The following UGT2A1 variants were observed in gnomAD, a reference collection of about 807,000 sequenced individuals.
UGT2A1 encodes UDP-glucuronosyltransferase 2A1.
In UGT2A1, 61 loss-of-function variants were observed where a neutral mutation model predicts 45.4. That is an observed-to-expected ratio of 1.34 (90% CI 1.09 to 1.66). The LOEUF (loss-of-function observed/expected upper bound fraction) is 1.66, where lower values mean the gene tolerates loss of function less well. Among genes scored for constraint, UGT2A1 ranks in the 40% most tolerant of loss-of-function variants. The pLI, the probability that UGT2A1 is intolerant of heterozygous loss-of-function variation, is 0.00. For missense variants in UGT2A1, 649 were observed against 574.3 expected, an observed-to-expected ratio of 1.13 and a Z score of -1.33; for synonymous variants, 229 against 196.2, an observed-to-expected ratio of 1.17 and a Z score of -1.40.
At position 69,610,328 on chromosome 4, in the gene UGT2A1, C is replaced by T. The variant is rs966689711; in HGVS notation, c.848-10934G>A. 5.9e-5 allele frequency among the ~76,000 whole-genome samples: 9 copies of T among 152,160 alleles called. No individual in the cohort carries two copies. In the East Asian group the frequency reaches 1.7e-3, roughly 29 times the overall value. ...AAATTGCTTAATCATTTAGCATTTA[C>T]CCTCAGACATTTTCTGGGGCAGGGT... On this transcript the variant is annotated intron_variant, in intron 3 of 6. Coordinates refer to ENST00000286604, the MANE Select transcript of UGT2A1 (RefSeq NM_001252275.3).
chr4:69,624,261 A>T (rs1198052205), intron 3 of UGT2A1, among the ~76,000 whole-genome samples: 1 of 151,472 alleles, frequency 6.6e-6, no homozygotes, highest in Non-Finnish European at 1.5e-5. Flanking sequence ...ATTTCTCTGA[A>T]GGTCTAATTT....
chr4:69,591,490 C>T (rs1228218547), intron 6 of UGT2A1, among the ~76,000 whole-genome samples: 1 of 152,066 alleles, frequency 6.6e-6, no homozygotes, highest in Non-Finnish European at 1.5e-5. Flanking sequence ...TCCTTATTTG[C>T]AGAGGAAGCC....
rs546940940 is a variant in UGT2A1 at position 69,623,962 on chromosome 4, T to C, written c.847+11729A>G. Among the ~76,000 whole-genome samples the C allele has an allele frequency of 6.6e-5, 10 of 151,780 alleles. 1 individual carries two copies. Among genetic ancestry groups the C allele is most frequent in the African/African-American group, 1.9e-4 (8 of 41,492 alleles). On this transcript the variant is annotated intron_variant, in intron 3 of 6. Transcript: ENST00000286604. ...GCACCTTAAAAAAGCATCTTATAGATTGTGAAATGTAACAAAAACATGTAA... is the reference window on the plus strand; with the variant it reads ...GCACCTTAAAAAAGCATCTTATAGACTGTGAAATGTAACAAAAACATGTAA...
chr4:69,614,468 A>G (rs1438739208), intron 3 of UGT2A1, among the ~76,000 whole-genome samples: 2 of 151,838 alleles, frequency 1.3e-5, no homozygotes, highest in Non-Finnish European at 2.9e-5. Flanking sequence ...AAAAATATAT[A>G]TATATCTAAA....
intron 1 of UGT2A1, among the ~76,000 whole-genome samples, chr4:69,649,592 A>G (rs1021006867): frequency 2.1e-4 from 32 of 152,266 alleles, no homozygotes; most frequent in African/African-American, 7.5e-4. Flanking sequence ...TCTTTTTAAC[A>G]AAAGGGCAGC....
chr4:69,623,117 T>C (rs1720845668), intron 3 of UGT2A1, among the ~76,000 whole-genome samples: 1 of 151,860 alleles, frequency 6.6e-6, no homozygotes, highest in Admixed American at 6.6e-5. Flanking sequence ...CAATTATTAT[T>C]GCTTCCACAC....
chr4:69,628,913 T>A (rs10022954), intron 3 of UGT2A1, among the ~76,000 whole-genome samples: 2 of 151,638 alleles, frequency 1.3e-5, no homozygotes, highest in African/African-American at 4.8e-5. Flanking sequence ...CTGAGAGAGA[T>A]AATCTTTCAA....
chr4:69,623,636 G>A (rs999584471), intron 3 of UGT2A1, among the ~76,000 whole-genome samples: 2 of 151,300 alleles, frequency 1.3e-5, no homozygotes, highest in Non-Finnish European at 3.0e-5. Flanking sequence ...CAGTTTTAAA[G>A]AGCAAATGAG....
At chr4:69,651,733 G>A (rs1722533502) in intron 1 of UGT2A1, among the ~76,000 whole-genome samples, 5 of 152,272 alleles carry the variant, frequency 3.3e-5, no homozygotes, top group East Asian at 1.9e-4. Flanking sequence ...AGAGAGGAGC[G>A]ACTGCCTGGG....
At chr4:69,625,661 C>T (rs533135429) in intron 3 of UGT2A1, among the ~76,000 whole-genome samples, 4 of 150,972 alleles carry the variant, frequency 2.6e-5, no homozygotes, top group African/African-American at 9.7e-5. Context: ...GTTCTTTTGG[C>T]CATACCCTAT....
chr4:69,620,200 T>C (rs1720660692), intron 3 of UGT2A1, among the ~76,000 whole-genome samples: 1 of 151,906 alleles, frequency 6.6e-6, no homozygotes, highest in Admixed American at 6.6e-5. Flanking sequence ...ACTTTCCTGG[T>C]TCACACACAA....
chr4:69,647,520 T>G lies in UGT2A1; in HGVS notation c.125A>C (p.Glu42Ala). 1 of 1,612,932 alleles carries G rather than the reference T, an allele frequency of 6.2e-7. No individual in the cohort carries two copies. Among genetic ancestry groups the G allele is most frequent in the South Asian group, 1.1e-5 (1 of 91,006 alleles). The part of the protein sequence containing the change: ...HWLNVKIIID[E>A]LIKKEHNVTV... ...CACATTATGCTCCTTTTTAATGAGC[T>G]CATCTATAATTATCTTAACATTTAG... is the stretch of plus-strand genomic sequence containing the variant. The change falls in exon 2 of 7, where the codon GAG becomes GCG. Residue 42 changes from glutamate (E) to alanine (A), a missense_variant. By Grantham distance (107) the Glu-to-Ala change is moderately radical. Transcript: ENST00000286604.
At chr4:69,636,067 A>T (rs1721690210) in intron 2 of UGT2A1, among the ~76,000 whole-genome samples, 1 of 152,156 alleles carries the variant, frequency 6.6e-6, no homozygotes, top group African/African-American at 2.4e-5. Flanking sequence ...CCTCACTGAT[A>T]TAGAAAACAA....
intron 3 of UGT2A1, among the ~76,000 whole-genome samples, chr4:69,630,981 G>C (rs1721348674): frequency 6.6e-6 from 1 of 152,088 alleles, no homozygotes; most frequent in Non-Finnish European, 1.5e-5. Context: ...TTAATAACTT[G>C]AATGTGATCT....
intron 3 of UGT2A1, among the ~76,000 whole-genome samples, chr4:69,622,127 C>T (rs957618824): frequency 1.3e-5 from 2 of 151,798 alleles, no homozygotes; most frequent in Admixed American, 1.3e-4. Context: ...ACCTGTGTAA[C>T]AAACCTGCAC....
Position 69,647,418 on chromosome 4 carries a change from A to G in UGT2A1, c.227T>C (p.Val76Ala). The change falls in exon 2 of 7, where the codon GTG becomes GCG. Residue 76 changes from valine (V) to alanine (A), a missense_variant. Physicochemically the swap from Val to Ala is moderately conservative, Grantham distance 64. Coordinates refer to ENST00000286604, the MANE Select transcript of UGT2A1 (RefSeq NM_001252275.3). ...TTCTATTCTTTCTTTGCCAAAGGGC[A>G]CCTTATATATTTCAAATGTCAGAGA... is the stretch of plus-strand genomic sequence containing the variant. ...NPSLTFEIYK[V>A]PFGKERIEGV... is the part of the protein sequence containing the mutation. 6.2e-7 allele frequency: 1 copy of G among 1,612,896 alleles called. No individual in the cohort carries two copies. Among genetic ancestry groups the G allele is most frequent in the Non-Finnish European group, 8.5e-7 (1 of 1,179,408 alleles).
In UGT2A1 at chr4:69,647,076, G is replaced by A. The variant is rs766431992; in HGVS notation, c.569C>T (p.Pro190Leu). The A allele has an allele frequency of 1.2e-6, 2 of 1,612,882 alleles. No individual in the cohort carries two copies. The highest frequency in any genetic ancestry group is 1.7e-6 in the Non-Finnish European group (2 of 1,179,302). The change falls in exon 2 of 7, where the codon CCT (proline) becomes CTT (leucine). Residue 190 changes from proline (P) to leucine (L), a missense_variant. Pro to Leu is a moderately conservative substitution (Grantham distance 98). Coordinates refer to ENST00000286604, the MANE Select transcript of UGT2A1 (RefSeq NM_001252275.3). ...EKHCGKVPYP[P>L]SYVPAVLSEL... ...TGATAAAACAGCAGGAACATAGGAA[G>A]GAGGGTATGGTACCTTCCCACAGTG...
intron 3 of UGT2A1, among the ~76,000 whole-genome samples, chr4:69,627,440 T>G (rs1040298032): frequency 1.8e-4 from 27 of 149,240 alleles, no homozygotes; most frequent in Middle Eastern, 3.5e-3. Context: ...AGAAATATTT[T>G]TTGTTCCATA....
At chr4:69,599,961 G>T (rs1157718299) in intron 3 of UGT2A1, among the ~76,000 whole-genome samples, 1 of 152,162 alleles carries the variant, frequency 6.6e-6, no homozygotes, top group Non-Finnish European at 1.5e-5. Context: ...GGCATTGCTA[G>T]CATGCCTCTC....
Sources: allele counts gnomAD v4.1 joint callset (sites outside exome capture counted in the v4.1 genomes callset), GRCh38; gene constraint gnomAD v4.1.1; transcripts MANE v1.5; gene names NCBI Gene and HGNC (gene_info 2026-07-23, HGNC 2026-07-21).